The following CARMIL1 variants were observed in gnomAD, a reference collection of about 807,000 sequenced individuals.
The protein encoded by CARMIL1 is F-actin-uncapping protein LRRC16A.
CARMIL1 carries 90 observed loss-of-function variants against 177.1 expected under a neutral mutation model. That is an observed-to-expected ratio of 0.51 (90% CI 0.43 to 0.61). CARMIL1 has a LOEUF of 0.61. CARMIL1 is among the 20% of genes least tolerant of loss of function. CARMIL1 has a pLI of 0.00. For missense variants in CARMIL1, 1,380 were observed against 1,667.0 expected, an observed-to-expected ratio of 0.83 and a Z score of 3.00; for synonymous variants, 577 against 606.2, an observed-to-expected ratio of 0.95 and a Z score of 0.71.
intron 2 of CARMIL1, among the ~76,000 whole-genome samples, chr6:25,355,007 A>T (rs553382048): frequency 2.0e-5 from 3 of 152,176 alleles, no homozygotes; most frequent in Admixed American, 1.3e-4. Context: ...ACTGACAGAG[A>T]CCCTCTTCCA....
intron 32 of CARMIL1, among the ~76,000 whole-genome samples, chr6:25,596,834 T>C (rs989521809): frequency 7.3e-6 from 1 of 137,262 alleles, no homozygotes; most frequent in Non-Finnish European, 1.5e-5. Flanking sequence ...CTGTATACTC[T>C]GTCACCAAAC....
At chr6:25,570,051 G>T (rs1021239064) in intron 29 of CARMIL1, among the ~76,000 whole-genome samples, 2 of 151,680 alleles carry the variant, frequency 1.3e-5, no homozygotes, top group Non-Finnish European at 2.9e-5. Context: ...TGCAAGCTCC[G>T]CCTCCCGAGT....
At chr6:25,483,664 A>C (rs1231015741) in intron 12 of CARMIL1, among the ~76,000 whole-genome samples, 1 of 133,402 alleles carries the variant, frequency 7.5e-6, no homozygotes, top group Non-Finnish European at 1.5e-5. Flanking sequence ...ATGCAGATTC[A>C]GCTTCTATCT....
At chr6:25,488,014 G>A (rs1802833132) in intron 12 of CARMIL1, among the ~76,000 whole-genome samples, 1 of 152,128 alleles carries the variant, frequency 6.6e-6, no homozygotes, top group African/African-American at 2.4e-5. Context: ...TTCCTTGAAT[G>A]TAATACATTT....
chr6:25,465,583 C>CT (rs1800529573), intron 8 of CARMIL1: 1 of 349,752 alleles, frequency 2.9e-6, no homozygotes, highest in East Asian at 5.8e-5. Flanking sequence ...TTGGTATGGA[C>CT]TTAGAGGTAG....
At chr6:25,304,072 TTTATA>T (rs1783073890) in intron 2 of CARMIL1, among the ~76,000 whole-genome samples, 1 of 152,208 alleles carries the variant, frequency 6.6e-6, no homozygotes, top group African/African-American at 2.4e-5. Context: ...TTGTGTGCAG[TTTATA>T]TTATGAGCCT....
chr6:25,568,227 A>G (rs192354498), intron 29 of CARMIL1, among the ~76,000 whole-genome samples: 1 of 152,340 alleles, frequency 6.6e-6, no homozygotes, highest in East Asian at 1.9e-4. Flanking sequence ...CCTTATATAA[A>G]TGTATTTCTT....
chr6:25,495,236 C>T, intron 16 of CARMIL1, 21 bp downstream of exon 16: 1 of 1,469,948 alleles, frequency 6.8e-7, no homozygotes, highest in Non-Finnish European at 9.4e-7. Context: ...AATTCACTTT[C>T]TCCAGAGCTT....
intron 21 of CARMIL1, among the ~76,000 whole-genome samples, chr6:25,516,607 A>G (rs1248836777): frequency 6.6e-6 from 1 of 152,242 alleles, no homozygotes; most frequent in Non-Finnish European, 1.5e-5. Flanking sequence ...GAGATTAGGA[A>G]GGGAAGGCAG....
intron 20 of CARMIL1, among the ~76,000 whole-genome samples, chr6:25,512,017 C>T (rs531958284): frequency 4.6e-5 from 7 of 152,208 alleles, no homozygotes; most frequent in South Asian, 4.1e-4. Context: ...GTTTGCTTTA[C>T]GTATTTAATT....
intron 31 of CARMIL1, among the ~76,000 whole-genome samples, chr6:25,586,645 T>C (rs1582447261): frequency 6.6e-6 from 1 of 152,034 alleles, no homozygotes; most frequent in African/African-American, 2.4e-5. Flanking sequence ...ATCACGCCAC[T>C]GCACTCCAGC....
At chr6:25,390,320 A>ATATATATATATATATTTTTTTTTTTTT (rs1554184839) in intron 2 of CARMIL1, among the ~76,000 whole-genome samples, 1 of 58,104 alleles carries the variant, frequency 1.7e-5, no homozygotes. Context: ...ATATATATAT[A>ATATATATATATATATTTTTTTTTTTTT]TTTTTTTTTT....
intron 2 of CARMIL1, among the ~76,000 whole-genome samples, chr6:25,337,142 A>G (rs1458174856): frequency 1.3e-5 from 2 of 152,220 alleles, no homozygotes; most frequent in Non-Finnish European, 2.9e-5. Context: ...TTAGTGCTTA[A>G]AACAAAGTAG....
intron 35 of CARMIL1, among the ~76,000 whole-genome samples, chr6:25,607,234 C>T (rs182935935): frequency 6.6e-4 from 99 of 151,018 alleles, no homozygotes; most frequent in Admixed American, 3.1e-3. Flanking sequence ...TTTAATTTAA[C>T]TTACCATTAT....
intron 2 of CARMIL1, among the ~76,000 whole-genome samples, chr6:25,309,602 TA>T (rs150645732): frequency 0.061 from 9,263 of 151,924 alleles, 488 homozygotes; most frequent in East Asian, 0.29. Flanking sequence ...CGGCCTAGTC[TA>T]GATATTTTAT....
At chr6:25,587,002 C>T (rs1251136119) in intron 31 of CARMIL1, among the ~76,000 whole-genome samples, 7 of 116,174 alleles carry the variant, frequency 6.0e-5, no homozygotes, top group Non-Finnish European at 3.3e-5. Flanking sequence ...ACCGTGGAGA[C>T]AGAGGGAGAG....
At chr6:25,383,631 A>G (rs1449745359) in intron 2 of CARMIL1, 1 of 152,232 alleles carries the variant, frequency 6.6e-6, no homozygotes, top group Non-Finnish European at 1.5e-5. Flanking sequence ...TACTAAAACT[A>G]GAACAATAAA....
At chr6:25,319,959 C>T (rs2150235178) in intron 2 of CARMIL1, among the ~76,000 whole-genome samples, 1 of 152,094 alleles carries the variant, frequency 6.6e-6, no homozygotes, top group Non-Finnish European at 1.5e-5. Context: ...ACTGTTTACC[C>T]TGCCTATGAA....
At chr6:25,618,000 G>A (rs1178189534) in intron 36 of CARMIL1, among the ~76,000 whole-genome samples, 1 of 152,136 alleles carries the variant, frequency 6.6e-6, no homozygotes, top group Non-Finnish European at 1.5e-5. Context: ...ACAAAAAGAA[G>A]TCACAATTTA....
Sources: allele counts gnomAD v4.1 joint callset (sites outside exome capture counted in the v4.1 genomes callset), GRCh38; gene constraint gnomAD v4.1.1; transcripts MANE v1.5; gene names NCBI Gene and HGNC (gene_info 2026-07-23, HGNC 2026-07-21).